The following MSH4 variants were observed in gnomAD, a reference collection of about 807,000 sequenced individuals.
The protein encoded by MSH4 is mutS protein homolog 4.
MSH4 carries 106 observed loss-of-function variants against 113.7 expected under a neutral mutation model. The ratio of observed to expected loss-of-function variants is 0.93; its 90% CI spans 0.80 to 1.10. The LOEUF (loss-of-function observed/expected upper bound fraction) is 1.10, where lower values mean the gene tolerates loss of function less well. Among genes scored for constraint, MSH4 ranks in the 50% least tolerant of loss-of-function variants. The pLI, the probability that MSH4 is intolerant of heterozygous loss-of-function variation, is 0.00. For synonymous variants in MSH4, 368 were observed against 380.2 expected (o/e 0.97, Z 0.37); for missense variants, 1,061 against 1,093.7 (o/e 0.97, Z 0.42).
At chr1:75,857,460 T>C (rs887657432) in intron 8 of MSH4, among the ~76,000 whole-genome samples, 4 of 152,196 alleles carry the variant, frequency 2.6e-5, no homozygotes, top group Non-Finnish European at 5.9e-5. Flanking sequence ...GAGTTTATTT[T>C]TGTATAAGGT....
intron 19 of MSH4, among the ~76,000 whole-genome samples, chr1:75,903,919 A>G (rs1652563695): frequency 6.6e-6 from 1 of 152,106 alleles, no homozygotes; most frequent in Admixed American, 6.6e-5. Context: ...AAAAGTGGTG[A>G]AAGTGGGTGT....
intron 19 of MSH4, among the ~76,000 whole-genome samples, chr1:75,911,936 G>T (rs1652796938): frequency 6.6e-6 from 1 of 151,912 alleles, no homozygotes; most frequent in South Asian, 2.1e-4. Context: ...TCTAGTTCAG[G>T]CAAAGAGGTG....
intron 7 of MSH4, among the ~76,000 whole-genome samples, chr1:75,846,856 AG>A (rs1288143572): frequency 3.9e-5 from 6 of 152,114 alleles, no homozygotes; most frequent in African/African-American, 1.4e-4. Context: ...CCACATTTTC[AG>A]GTATTTGTTA....
At chr1:75,840,653 A>T (rs1650938028) in intron 7 of MSH4, among the ~76,000 whole-genome samples, 1 of 149,588 alleles carries the variant, frequency 6.7e-6, no homozygotes, top group Non-Finnish European at 1.5e-5. Flanking sequence ...ATGTACCCTA[A>T]AACTTAAAGT....
chr1:75,890,725 C>G lies in MSH4; in HGVS notation c.2256C>G (p.Asp752Glu). Residue 752 changes from aspartate to glutamate, a missense_variant, in exon 17 of 20, where the codon GAC (aspartate) becomes GAG (glutamate). Transcript: ENST00000263187. ...EIAYILHNANDKSLILIDELG... is the reference protein window; with the variant it reads ...EIAYILHNANEKSLILIDELG... Reference sequence around the variant, plus strand: ...CATATATTCTACATAATGCTAATGACAAATCGCTCATATTAATTGATGAAC... The same window carrying G: ...CATATATTCTACATAATGCTAATGAGAAATCGCTCATATTAATTGATGAAC... 6.2e-7 allele frequency: 1 copy of G among 1,600,150 alleles called. No individual in the cohort carries two copies. Among genetic ancestry groups the G allele is most frequent in the South Asian group, 1.1e-5 (1 of 89,094 alleles).
intron 5 of MSH4, among the ~76,000 whole-genome samples, chr1:75,815,393 G>C (rs746886939): frequency 2.0e-5 from 3 of 152,064 alleles, no homozygotes; most frequent in Non-Finnish European, 4.4e-5. Flanking sequence ...AATTTATATA[G>C]AATTTCTCCA....
At chr1:75,836,208 T>G (rs536339967) in intron 7 of MSH4, among the ~76,000 whole-genome samples, 44 of 152,302 alleles carry the variant, frequency 2.9e-4, no homozygotes, top group Admixed American at 2.7e-3. Context: ...GAAATCACAC[T>G]GTTGGTTGGC....
At chr1:75,871,242 G>A (rs978942661) in intron 9 of MSH4, among the ~76,000 whole-genome samples, 2 of 152,130 alleles carry the variant, frequency 1.3e-5, no homozygotes, top group Non-Finnish European at 1.5e-5. Context: ...ACAGCATGAG[G>A]GAAACTGCCC....
intron 14 of MSH4, among the ~76,000 whole-genome samples, chr1:75,882,435 A>C (rs1017145413): frequency 2.6e-5 from 4 of 151,702 alleles, no homozygotes; most frequent in Non-Finnish European, 5.9e-5. Flanking sequence ...TCCTCCCCCC[A>C]CTTCAGGTGG....
intron 7 of MSH4, among the ~76,000 whole-genome samples, chr1:75,830,852 C>T (rs928707899): frequency 1.3e-5 from 2 of 152,272 alleles, no homozygotes; most frequent in East Asian, 3.9e-4. Context: ...ATTGCAAAGA[C>T]CATCAATGCT....
intron 7 of MSH4, among the ~76,000 whole-genome samples, chr1:75,823,939 A>G (rs1399683667): frequency 2.0e-5 from 3 of 152,122 alleles, no homozygotes; most frequent in East Asian, 1.9e-4. Flanking sequence ...GTAAACATAC[A>G]TGTGCATGTG....
intron 1 of MSH4, among the ~76,000 whole-genome samples, chr1:75,799,381 G>A (rs565353212): frequency 1.3e-5 from 2 of 152,184 alleles, no homozygotes; most frequent in East Asian, 3.9e-4. Context: ...TGCTCTCAAT[G>A]AACTTAAGGT....
chr1:75,862,358 T>G (rs1341000948), intron 8 of MSH4, among the ~76,000 whole-genome samples: 1 of 152,232 alleles, frequency 6.6e-6, no homozygotes, highest in East Asian at 1.9e-4. Flanking sequence ...ATCACCCATC[T>G]TCTGCGTCAA....
rs1651984287 is a variant in MSH4, at chr1:75,883,677, G to GA, written c.1969dup (p.Ile657AsnfsTer18). 2 of 1,612,918 alleles carry GA rather than the reference G, an allele frequency of 1.2e-6. No homozygotes were observed. Among genetic ancestry groups the GA allele is most frequent in the Non-Finnish European group, 1.7e-6 (2 of 1,179,586 alleles). On this transcript the variant is annotated frameshift_variant, in exon 15 of 20. Transcript: ENST00000263187. LOFTEE classifies it high-confidence loss of function. ...CAAACAGGGATGGCATCCTATTCTT[G>GA]AAAAAATATCTGCGGAAAAACCTAT... is the stretch of plus-strand genomic sequence containing the variant.
intron 19 of MSH4, among the ~76,000 whole-genome samples, chr1:75,905,805 T>G (rs939745633): frequency 2.0e-5 from 3 of 152,150 alleles, no homozygotes; most frequent in Admixed American, 6.6e-5. Context: ...TAGAATAACA[T>G]TCTTTGTCTC....
intron 9 of MSH4, among the ~76,000 whole-genome samples, chr1:75,874,944 G>A (rs1358988097): frequency 6.6e-6 from 1 of 152,184 alleles, no homozygotes; most frequent in Admixed American, 6.5e-5. Context: ...CCAGGCTGGA[G>A]TGCAGTGGTG....
intron 17 of MSH4, among the ~76,000 whole-genome samples, chr1:75,895,945 G>A (rs896693246): frequency 1.3e-5 from 2 of 152,098 alleles, no homozygotes; most frequent in Non-Finnish European, 2.9e-5. Context: ...TGTCAACTTG[G>A]CAAGGTCATG....
In MSH4 at chr1:75,882,191, G is replaced by A. The variant is rs143021520; in HGVS notation, c.1906+821G>A. ...TCCTTTGCATCAAAACTCTACTTTA[G>A]GGGTCAGATATTCCAATGGTAGTTT... On this transcript the variant is annotated intron_variant, in intron 14 of 19. Coordinates refer to ENST00000263187, the MANE Select transcript of MSH4 (RefSeq NM_002440.4). Among the ~76,000 whole-genome samples the A allele has an allele frequency of 4.7e-3, 712 of 151,998 alleles. 4 individuals are homozygous for A. Among genetic ancestry groups the A allele is most frequent in the Non-Finnish European group, 8.2e-3 (555 of 67,944 alleles).
At chr1:75,825,572 C>T (rs1650528264) in intron 7 of MSH4, among the ~76,000 whole-genome samples, 1 of 152,112 alleles carries the variant, frequency 6.6e-6, no homozygotes, top group Non-Finnish European at 1.5e-5. Context: ...CCAGTTTTTG[C>T]CCATTCAATA....
Sources: allele counts gnomAD v4.1 joint callset (sites outside exome capture counted in the v4.1 genomes callset), GRCh38; gene constraint gnomAD v4.1.1; transcripts MANE v1.5; gene names NCBI Gene and HGNC (gene_info 2026-07-23, HGNC 2026-07-21).